CEBPB: variants seen among roughly 807,000 people sequenced by gnomAD.
CEBPB encodes the protein CCAAT enhancer binding protein beta, also known as CCAAT/enhancer-binding protein beta.
For synonymous variants in CEBPB, 295 were observed against 267.1 expected (o/e 1.10, Z -1.02); for missense variants, 498 against 533.1 (o/e 0.93, Z 0.65).
chr20:50,191,353 C>T lies in CEBPB; in HGVS notation c.320C>T (p.Ala107Val). Reference protein sequence around the residue: ...FEAAPPAPAPAPASSGQHHDF... With the variant: ...FEAAPPAPAPVPASSGQHHDF... ...GCGGCTCCGCCCGCGCCCGCCCCCG[C>T]GCCCGCCTCCTCCGGGCAGCACCAC... The change falls in exon 1 of 1, where the codon GCG becomes GTG. Residue 107 changes from alanine to valine, a missense_variant. By Grantham distance (64) the Ala-to-Val change is moderately conservative (BLOSUM62 0). Coordinates refer to ENST00000303004, the MANE Select transcript of CEBPB (RefSeq NM_005194.4). 1 of 1,456,174 alleles carries T rather than the reference C, an allele frequency of 6.9e-7. No individual in the cohort carries two copies. The highest frequency in any genetic ancestry group is 1.3e-5 in the South Asian group (1 of 77,442). The allele number at this position is 1,456,174 out of a possible 1,614,324, so 90.2% of individuals were successfully genotyped here.
chr20:50,192,302 A>G lies in CEBPB; in HGVS notation c.*231A>G, dbSNP rs1461737930. On this transcript the variant is annotated 3_prime_UTR_variant, in exon 1 of 1. Coordinates refer to ENST00000303004, the MANE Select transcript of CEBPB (RefSeq NM_005194.4). ...GGGCTCCCGCCCGTGGTGTTATTTA[A>G]AGAAGAAACGTCTATGTGTACAGAT... 1 of 194,048 alleles carries G rather than the reference A, an allele frequency of 5.2e-6. No homozygotes were observed. The highest frequency in any genetic ancestry group is 6.2e-5 in the Admixed American group (1 of 16,114). 12.0% of individuals were successfully genotyped at this position (194,048 alleles called of 1,614,324 possible). A position where few individuals can be genotyped will look rare whatever the true frequency, so the allele number is the denominator to read the frequency against.
chr20:50,192,660 G>A lies in CEBPB; in HGVS notation c.*589G>A, dbSNP rs1337859470. ...ACACTTTTAATAAACTTTTTTTTGA[G>A]AATGGTTACAAAGCCTTTTGGGGGC... On this transcript the variant is annotated 3_prime_UTR_variant, in exon 1 of 1. Transcript: ENST00000303004. 1 of 166,582 alleles carries A rather than the reference G, an allele frequency of 6.0e-6. No homozygotes were observed. The highest frequency in any genetic ancestry group is 2.4e-5 in the African/African-American group (1 of 41,102). 10.3% of individuals were successfully genotyped at this position (166,582 alleles called of 1,614,324 possible). A position where few individuals can be genotyped will look rare whatever the true frequency, so the allele number is the denominator to read the frequency against.
chr20:50,191,438 C>T lies in CEBPB; in HGVS notation c.405C>T (p.Ala135=). Residue 135 remains alanine, a synonymous_variant, in exon 1 of 1, where the codon GCC becomes GCT. Coordinates refer to ENST00000303004, the MANE Select transcript of CEBPB (RefSeq NM_005194.4). ...DYGGKNCKKP[A]EYGYVSLGRL... ...GGGGCAAGAACTGCAAGAAGCCGGCCGAGTACGGCTACGTGAGCCTGGGGC... is the reference window on the plus strand; with the variant it reads ...GGGGCAAGAACTGCAAGAAGCCGGCTGAGTACGGCTACGTGAGCCTGGGGC... 2 of 1,521,296 alleles carry T rather than the reference C, an allele frequency of 1.3e-6. No individual in the cohort carries two copies. The highest frequency in any genetic ancestry group is 1.4e-5 in the African/African-American group (1 of 69,264). The allele number at this position is 1,521,296 out of a possible 1,614,324, so 94.2% of individuals were successfully genotyped here.
Position 50,191,558 on chromosome 20 carries a change from G to T in CEBPB, c.525G>T (p.Ala175=). The T allele has an allele frequency of 7.5e-7, 1 of 1,336,374 alleles. No individual in the cohort carries two copies. The highest frequency in any genetic ancestry group is 1.6e-5 in the African/African-American group (1 of 64,442). The allele number at this position is 1,336,374 out of a possible 1,614,324, so 82.8% of individuals were successfully genotyped here. ...CGCCGCCGCCCGCCGAGCTCAAGGCGGAGCCGGGCTTCGAGCCCGCGGACT... is the reference window on the plus strand; with the variant it reads ...CGCCGCCGCCCGCCGAGCTCAAGGCTGAGCCGGGCTTCGAGCCCGCGGACT... The part of the protein sequence containing the change: ...PPPPPPAELK[A]EPGFEPADCK... The change falls in exon 1 of 1, where the codon GCG becomes GCT. Residue 175 remains alanine, a synonymous_variant. Coordinates refer to ENST00000303004, the MANE Select transcript of CEBPB (RefSeq NM_005194.4).
Position 50,191,124 on chromosome 20 carries a change from T to A in CEBPB, c.91T>A (p.Tyr31Asn), listed in dbSNP as rs747920655. ...FKSMEVANFY[Y>N]EADCLAAAYG... is the part of the protein sequence containing the mutation. ...ATCCATGGAAGTGGCCAACTTCTACTACGAGGCGGACTGCTTGGCTGCTGC... is the reference window on the plus strand; with the variant it reads ...ATCCATGGAAGTGGCCAACTTCTACAACGAGGCGGACTGCTTGGCTGCTGC... The change falls in exon 1 of 1, where the codon TAC (tyrosine) becomes AAC (asparagine). Residue 31 changes from tyrosine to asparagine, a missense_variant. Tyr to Asn is a moderately radical substitution (Grantham distance 143). Transcript: ENST00000303004. 2.3e-5 allele frequency: 35 copies of A among 1,544,944 alleles called. No homozygotes were observed. The highest frequency in any genetic ancestry group is 3.0e-5 in the Non-Finnish European group (34 of 1,150,980).
At position 50,191,567 on chromosome 20, in the gene CEBPB, C is replaced by T. The variant is rs776915307; in HGVS notation, c.534C>T (p.Gly178=). The change falls in exon 1 of 1, where the codon GGC becomes GGT. Residue 178 remains glycine, a synonymous_variant. Transcript: ENST00000303004. The part of the protein sequence containing the change: ...PPPAELKAEP[G]FEPADCKRKE... ...CCGCCGAGCTCAAGGCGGAGCCGGGCTTCGAGCCCGCGGACTGCAAGCGGA... is the reference window on the plus strand; with the variant it reads ...CCGCCGAGCTCAAGGCGGAGCCGGGTTTCGAGCCCGCGGACTGCAAGCGGA... 8.2e-6 allele frequency: 11 copies of T among 1,341,880 alleles called. 1 individual carries two copies. The Middle Eastern group carries it at 1.3e-3, about 162-fold the overall frequency. The allele number at this position is 1,341,880 out of a possible 1,614,324, so 83.1% of individuals were successfully genotyped here.
chr20:50,192,195 G>A lies in CEBPB; in HGVS notation c.*124G>A, dbSNP rs2081584094. On this transcript the variant is annotated 3_prime_UTR_variant, in exon 1 of 1. Transcript: ENST00000303004. The stretch of plus-strand genomic sequence containing the variant: ...CTTTGGCACTGGGGCACTTGGCAGC[G>A]CGGGGAGCCCGTCGGTAATTTTAAT... The A allele has an allele frequency of 3.1e-6, 2 of 644,536 alleles. No homozygotes were observed. Among genetic ancestry groups the A allele is most frequent in the Admixed American group, 9.6e-5 (2 of 20,842 alleles). The allele number at this position is 644,536 out of a possible 1,614,324, so 39.9% of individuals were successfully genotyped here.
chr20:50,192,163 G>A lies in CEBPB; in HGVS notation c.*92G>A. ...CCTCGCCCCCGCCCCCGGCGGCGCCGGCAAAACTTTGGCACTGGGGCACTT... is the reference window on the plus strand; with the variant it reads ...CCTCGCCCCCGCCCCCGGCGGCGCCAGCAAAACTTTGGCACTGGGGCACTT... On this transcript the variant is annotated 3_prime_UTR_variant, in exon 1 of 1. Coordinates refer to ENST00000303004, the MANE Select transcript of CEBPB (RefSeq NM_005194.4). 3 of 1,153,736 alleles carry A rather than the reference G, an allele frequency of 2.6e-6. No homozygotes were observed. Among genetic ancestry groups the A allele is most frequent in the Non-Finnish European group, 3.3e-6 (3 of 917,666 alleles). 71.5% of individuals were successfully genotyped at this position (1,153,736 alleles called of 1,614,324 possible).
chr20:50,191,245 G>T lies in CEBPB; in HGVS notation c.212G>T (p.Arg71Leu). Residue 71 changes from arginine to leucine, a missense_variant, in exon 1 of 1, where the codon CGC becomes CTC. By Grantham distance (102) the Arg-to-Leu change is moderately radical (BLOSUM62 -2). Coordinates refer to ENST00000303004, the MANE Select transcript of CEBPB (RefSeq NM_005194.4). ...GELGSIGDHE[R>L]AIDFSPYLEP... ...CTGGGCAGCATCGGCGACCACGAGCGCGCCATCGACTTCAGCCCGTACCTG... is the reference window on the plus strand; with the variant it reads ...CTGGGCAGCATCGGCGACCACGAGCTCGCCATCGACTTCAGCCCGTACCTG... The T allele has an allele frequency of 7.7e-7, 1 of 1,291,438 alleles. No homozygotes were observed. Among genetic ancestry groups the T allele is most frequent in the South Asian group, 2.2e-5 (1 of 44,920 alleles). The allele number at this position is 1,291,438 out of a possible 1,614,324, so 80.0% of individuals were successfully genotyped here. A position where few individuals can be genotyped will look rare whatever the true frequency, so the allele number is the denominator to read the frequency against.
At position 50,191,682 on chromosome 20, in the gene CEBPB, C is replaced by T. The variant is rs894690458; in HGVS notation, c.649C>T (p.Pro217Ser). 2.8e-6 allele frequency: 4 copies of T among 1,452,060 alleles called. No individual in the cohort carries two copies. The highest frequency in any genetic ancestry group is 3.6e-6 in the Non-Finnish European group (4 of 1,114,000). The allele number at this position is 1,452,060 out of a possible 1,614,324, so 89.9% of individuals were successfully genotyped here. A position where few individuals can be genotyped will look rare whatever the true frequency, so the allele number is the denominator to read the frequency against. Reference sequence around the variant, plus strand: ...CGCTTACCTCGGCTACCAGGCGGTGCCGAGCGGCAGCAGCGGGAGCCTCTC... The same window carrying T: ...CGCTTACCTCGGCTACCAGGCGGTGTCGAGCGGCAGCAGCGGGAGCCTCTC... ...LRAYLGYQAV[P>S]SGSSGSLSTS... The change falls in exon 1 of 1, where the codon CCG (proline) becomes TCG (serine). Residue 217 changes from proline to serine, a missense_variant. Transcript: ENST00000303004.
At position 50,192,059 on chromosome 20, in the gene CEBPB, C is replaced by G; in HGVS notation, c.1026C>G (p.Ser342=). Residue 342 remains serine, a synonymous_variant, in exon 1 of 1, where the codon TCC becomes TCG. Transcript: ENST00000303004. ...TGCCCGAGCCCCTGCTCGCCTCCTC[C>G]GGCCACTGCTAGCGCGGCCCCCGCG... is the stretch of plus-strand genomic sequence containing the variant. ...KQLPEPLLAS[S]GHC 6.3e-7 allele frequency: 1 copy of G among 1,576,754 alleles called. No homozygotes were observed. Among genetic ancestry groups the G allele is most frequent in the Admixed American group, 1.8e-5 (1 of 55,618 alleles).
Position 50,192,092 on chromosome 20 carries a change from C to T in CEBPB, c.*21C>T, listed in dbSNP as rs757651622. 13 of 1,492,528 alleles carry T rather than the reference C, an allele frequency of 8.7e-6. No homozygotes were observed. The highest frequency in any genetic ancestry group is 1.2e-5 in the Non-Finnish European group (13 of 1,121,848). The allele number at this position is 1,492,528 out of a possible 1,614,324, so 92.5% of individuals were successfully genotyped here. A position where few individuals can be genotyped will look rare whatever the true frequency, so the allele number is the denominator to read the frequency against. On this transcript the variant is annotated 3_prime_UTR_variant, in exon 1 of 1. Coordinates refer to ENST00000303004, the MANE Select transcript of CEBPB (RefSeq NM_005194.4). The stretch of plus-strand genomic sequence containing the variant: ...GCTAGCGCGGCCCCCGCGCGCGTCC[C>T]CCTGCCGGCCGGGGCTGAGACTCCG...
chr20:50,192,009 A>T lies in CEBPB; in HGVS notation c.976A>T (p.Thr326Ser). 6.2e-7 allele frequency: 1 copy of T among 1,606,054 alleles called. No homozygotes were observed. Among genetic ancestry groups the T allele is most frequent in the Non-Finnish European group, 8.5e-7 (1 of 1,177,374 alleles). ...KVEQLSRELS[T>S]LRNLFKQLPE... ...GGAGCAGCTGTCGCGCGAGCTCAGC[A>T]CCCTGCGGAACTTGTTCAAGCAGCT... Residue 326 changes from threonine to serine, a missense_variant, in exon 1 of 1, where the codon ACC (threonine) becomes TCC (serine). Thr to Ser is a moderately conservative substitution (Grantham distance 58). Transcript: ENST00000303004.
At position 50,191,552 on chromosome 20, in the gene CEBPB, C is replaced by G; in HGVS notation, c.519C>G (p.Leu173=). 7.5e-7 allele frequency: 1 copy of G among 1,333,318 alleles called. No homozygotes were observed. Among genetic ancestry groups the G allele is most frequent in the Non-Finnish European group, 9.5e-7 (1 of 1,048,462 alleles). The allele number at this position is 1,333,318 out of a possible 1,614,324, so 82.6% of individuals were successfully genotyped here. ...CGCCGCCGCCGCCGCCCGCCGAGCT[C>G]AAGGCGGAGCCGGGCTTCGAGCCCG... ...PPPPPPPPAE[L]KAEPGFEPAD... Residue 173 remains leucine, a synonymous_variant, in exon 1 of 1, where the codon CTC becomes CTG. Transcript: ENST00000303004.
At position 50,191,531 on chromosome 20, in the gene CEBPB, G is replaced by C. The variant is rs1158052891; in HGVS notation, c.498G>C (p.Pro166=). Residue 166 remains proline (P), a synonymous_variant, in exon 1 of 1, where the codon CCG becomes CCC. Coordinates refer to ENST00000303004, the MANE Select transcript of CEBPB (RefSeq NM_005194.4). ...CFAPLHPPPP[P]PPPPAELKAE... is the part of the protein sequence containing the mutation. ...CGCCCCTGCACCCACCGCCCCCGCC[G>C]CCGCCGCCGCCCGCCGAGCTCAAGG... 1.8e-5 allele frequency: 24 copies of C among 1,307,870 alleles called. No individual in the cohort carries two copies. The highest frequency in any genetic ancestry group is 4.7e-5 in the South Asian group (2 of 42,356). 81.0% of individuals were successfully genotyped at this position (1,307,870 alleles called of 1,614,324 possible).
upstream of CEBPB, chr20:50,190,634 C>T (rs1385689353): frequency 3.2e-5 from 5 of 154,828 alleles, no homozygotes; most frequent in African/African-American, 1.2e-4. Context: ...TGAGGCCGCC[C>T]CTGCGTCCCG....
Position 50,190,911 on chromosome 20 carries a change from C to T in CEBPB, c.-123C>T, listed in dbSNP as rs1243371848. ...CCAGCCCCCTCACTAATAGCGGCCA[C>T]CCCGGCAGCGGCGGCAGCAGCAGCA... On this transcript the variant is annotated 5_prime_UTR_variant, in exon 1 of 1. Coordinates refer to ENST00000303004, the MANE Select transcript of CEBPB (RefSeq NM_005194.4). 2.4e-6 allele frequency: 3 copies of T among 1,270,624 alleles called. No individual in the cohort carries two copies. Among genetic ancestry groups the T allele is most frequent in the African/African-American group, 1.6e-5 (1 of 63,220 alleles). The allele number at this position is 1,270,624 out of a possible 1,614,324, so 78.7% of individuals were successfully genotyped here.
At position 50,191,432 on chromosome 20, in the gene CEBPB, G is replaced by A. The variant is rs1400568122; in HGVS notation, c.399G>A (p.Lys133=). 2.6e-6 allele frequency: 4 copies of A among 1,523,194 alleles called. No homozygotes were observed. The allele number at this position is 1,523,194 out of a possible 1,614,324, so 94.4% of individuals were successfully genotyped here. A position where few individuals can be genotyped will look rare whatever the true frequency, so the allele number is the denominator to read the frequency against. The change falls in exon 1 of 1, where the codon AAG becomes AAA. Residue 133 remains lysine, a synonymous_variant. Transcript: ENST00000303004. ...SDDYGGKNCK[K]PAEYGYVSLG... Reference sequence around the variant, plus strand: ...ACTACGGGGGCAAGAACTGCAAGAAGCCGGCCGAGTACGGCTACGTGAGCC... The same window carrying A: ...ACTACGGGGGCAAGAACTGCAAGAAACCGGCCGAGTACGGCTACGTGAGCC...
At position 50,191,363 on chromosome 20, in the gene CEBPB, C is replaced by T; in HGVS notation, c.330C>T (p.Ser110=). 3 of 1,464,380 alleles carry T rather than the reference C, an allele frequency of 2.0e-6. No individual in the cohort carries two copies. Among genetic ancestry groups the T allele is most frequent in the South Asian group, 1.3e-5 (1 of 78,310 alleles). 90.7% of individuals were successfully genotyped at this position (1,464,380 alleles called of 1,614,324 possible). ...APPAPAPAPA[S]SGQHHDFLSD... is the part of the protein sequence containing the mutation. ...CCGCGCCCGCCCCCGCGCCCGCCTCCTCCGGGCAGCACCACGACTTCCTCT... is the reference window on the plus strand; with the variant it reads ...CCGCGCCCGCCCCCGCGCCCGCCTCTTCCGGGCAGCACCACGACTTCCTCT... Residue 110 remains serine, a synonymous_variant, in exon 1 of 1, where the codon TCC becomes TCT. Transcript: ENST00000303004.
Sources: gnomAD v4.1 joint callset for allele counts on GRCh38, gnomAD v4.1.1 for gene constraint, MANE v1.5 for transcripts, NCBI Gene and HGNC (gene_info 2026-07-23, HGNC 2026-07-21) for gene names.